STK31: variants seen among roughly 807,000 people sequenced by gnomAD.
The protein encoded by STK31 is serine/threonine kinase 31.
Under a neutral mutation model 129.7 loss-of-function variants are expected in STK31, and 89 were observed. The observed-to-expected ratio is 0.69, with a 90% confidence interval of 0.58 to 0.82. The LOEUF (loss-of-function observed/expected upper bound fraction) is 0.82. Among genes scored for constraint, STK31 ranks in the 40% least tolerant of loss-of-function variants. The probability of loss-of-function intolerance (pLI) is 0.00; values close to 1 mark genes in which losing one functional copy is unlikely to be tolerated. For synonymous variants in STK31, 448 were observed against 395.3 expected, an observed-to-expected ratio of 1.13 and a Z score of -1.58; for missense variants, 1,187 against 1,176.4, an observed-to-expected ratio of 1.01 and a Z score of -0.13.
intron 22 of STK31, among the ~76,000 whole-genome samples, chr7:23,810,782 A>G (rs919267179): frequency 2.4e-5 from 3 of 125,614 alleles, no homozygotes; most frequent in African/African-American, 1.0e-4. Flanking sequence ...TATATATTAT[A>G]TATAAATATA....
intron 10 of STK31, 142 bp downstream of exon 10, chr7:23,754,616 T>G: frequency 3.4e-6 from 3 of 882,082 alleles, no homozygotes; most frequent in Non-Finnish European, 5.1e-6. Context: ...GCCGTGGTAG[T>G]TTGCTGCACC....
At chr7:23,816,758 A>G (rs982311397) in intron 23 of STK31, among the ~76,000 whole-genome samples, 3 of 152,248 alleles carry the variant, frequency 2.0e-5, no homozygotes, top group Non-Finnish European at 2.9e-5. Context: ...GCAAAATCAT[A>G]TAAGTGATAT....
intron 23 of STK31, among the ~76,000 whole-genome samples, chr7:23,825,579 T>C (rs1794093766): frequency 6.6e-6 from 1 of 152,328 alleles, no homozygotes; most frequent in Admixed American, 6.5e-5. Context: ...TTTGAAGGGT[T>C]TTTTGTGTCT....
chr7:23,825,116 A>G (rs1159707889), intron 23 of STK31, among the ~76,000 whole-genome samples: 1 of 152,148 alleles, frequency 6.6e-6, no homozygotes, highest in East Asian at 1.9e-4. Context: ...GCCTCATAAA[A>G]TGAGTTAGGG....
chr7:23,758,095 A>C (rs1332229458), intron 10 of STK31, among the ~76,000 whole-genome samples: 1 of 152,218 alleles, frequency 6.6e-6, no homozygotes, highest in Non-Finnish European at 1.5e-5. Context: ...AATTTTTCTT[A>C]ATACAGAACA....
chr7:23,778,960 T>G (rs750937205), intron 15 of STK31, among the ~76,000 whole-genome samples: 1 of 152,178 alleles, frequency 6.6e-6, no homozygotes, highest in Non-Finnish European at 1.5e-5. Flanking sequence ...TTTTTTCTCA[T>G]CTTCTTGGAT....
intron 22 of STK31, among the ~76,000 whole-genome samples, chr7:23,793,295 T>A (rs568039542): frequency 6.6e-6 from 1 of 152,210 alleles, no homozygotes. Context: ...CTAAAACTTA[T>A]AGAAGAAAAC....
intron 15 of STK31, among the ~76,000 whole-genome samples, chr7:23,777,521 G>C (rs12234445): frequency 0.25 from 37,954 of 152,072 alleles, 5,155 homozygotes; most frequent in East Asian, 0.39. Context: ...CCTGTATTGG[G>C]TGCATATATA....
At chr7:23,806,920 AAAGAG>A (rs1216748796) in intron 22 of STK31, among the ~76,000 whole-genome samples, 2 of 151,196 alleles carry the variant, frequency 1.3e-5, no homozygotes, top group African/African-American at 4.9e-5. Flanking sequence ...AAAAAAAAAA[AAAGAG>A]AGATACAGGA....
intron 11 of STK31, among the ~76,000 whole-genome samples, chr7:23,763,539 A>G (rs576286559): frequency 2.2e-4 from 34 of 152,074 alleles, no homozygotes; most frequent in African/African-American, 8.2e-4. Context: ...TTTTCTCTAT[A>G]AGTCCTCATG....
At chr7:23,752,690 C>T (rs201381856) in intron 8 of STK31, 27 bp from the exon 9 acceptor site, 169 of 1,534,594 alleles carry the variant, frequency 1.1e-4, no homozygotes, top group African/African-American at 9.7e-4. Context: ...TTGGGTCTCA[C>T]GAGAATGTGT....
intron 16 of STK31, among the ~76,000 whole-genome samples, chr7:23,782,263 G>A (rs1310815329): frequency 1.3e-5 from 2 of 151,808 alleles, no homozygotes; most frequent in African/African-American, 2.4e-5. Flanking sequence ...ACTTGAGCCC[G>A]GGAGTTTGAG....
At chr7:23,735,064 C>G (rs1405115152) in intron 6 of STK31, among the ~76,000 whole-genome samples, 1 of 152,088 alleles carries the variant, frequency 6.6e-6, no homozygotes, top group Non-Finnish European at 1.5e-5. Context: ...GTATTTTGTG[C>G]TTTCGGTTTG....
chr7:23,797,355 A>G (rs1372904112), intron 22 of STK31, among the ~76,000 whole-genome samples: 1 of 152,096 alleles, frequency 6.6e-6, no homozygotes, highest in African/African-American at 2.4e-5. Flanking sequence ...AATTGACCAC[A>G]TTATTGGAAG....
At chr7:23,766,446 G>A (rs1026296913) in intron 11 of STK31, among the ~76,000 whole-genome samples, 1 of 152,084 alleles carries the variant, frequency 6.6e-6, no homozygotes, top group Non-Finnish European at 1.5e-5. Flanking sequence ...TAGAGATGGG[G>A]TTTCACGATG....
chr7:23,809,969 T>C (rs1792981741), intron 22 of STK31, among the ~76,000 whole-genome samples: 1 of 152,220 alleles, frequency 6.6e-6, no homozygotes, highest in South Asian at 2.1e-4. Flanking sequence ...GTATTCCTGC[T>C]GTTAAACAGC....
chr7:23,754,602 A>C (rs1788938816), intron 10 of STK31, 128 bp downstream of exon 10: 1 of 1,022,912 alleles, frequency 9.8e-7, no homozygotes, highest in Non-Finnish European at 1.4e-6. Context: ...ATAGGTATAC[A>C]TGCGCCGTGG....
intron 10 of STK31, chr7:23,755,184 G>A (rs1274437761): frequency 3.3e-5 from 5 of 151,966 alleles, no homozygotes; most frequent in African/African-American, 7.3e-5. Context: ...TTTAATGATC[G>A]TCATTCTAAC....
Position 23,769,665 on chromosome 7 carries a change from C to T in STK31, c.1622C>T (p.Ser541Leu), listed in dbSNP as rs1217751376. The T allele has an allele frequency of 3.1e-6, 5 of 1,610,938 alleles. No individual in the cohort carries two copies. Among genetic ancestry groups the T allele is most frequent in the Non-Finnish European group, 4.2e-6 (5 of 1,178,350 alleles). ...GTTTTTGACCTATCTGTGGAAGGAT[C>T]ACTGATTTCAGAAGACGCAATGGAT... ...LKVFDLSVEG[S>L]LISEDAMDNI... The change falls in exon 13 of 24, where the codon TCA (serine) becomes TTA (leucine). Residue 541 changes from serine (S) to leucine (L), a missense_variant. Ser to Leu is a moderately radical substitution (Grantham distance 145, BLOSUM62 -2). This residue lies in a region of STK31 where 975 missense variants were observed against 934.9 expected (regional missense o/e 1.04). Coordinates refer to ENST00000355870, the MANE Select transcript of STK31 (RefSeq NM_031414.5).
Sources: gnomAD v4.1 joint callset for allele counts (sites outside exome capture counted in the v4.1 genomes callset) on GRCh38, gnomAD v4.1.1 for gene constraint, gnomAD v4.1.1 regional missense constraint, MANE v1.5 for transcripts, NCBI Gene and HGNC (gene_info 2026-07-23, HGNC 2026-07-21) for gene names.